The following SRGAP1 variants were observed in gnomAD, a reference collection of about 807,000 sequenced individuals.
The protein encoded by SRGAP1 is SLIT-ROBO Rho GTPase activating protein 1.
SRGAP1 carries 43 observed loss-of-function variants against 121.9 expected under a neutral mutation model. The observed-to-expected ratio is 0.35, with a 90% CI of 0.28 to 0.46. The LOEUF (loss-of-function observed/expected upper bound fraction) is 0.46, where lower values mean the gene tolerates loss of function less well. SRGAP1 is among the 20% of genes least tolerant of loss of function. The pLI is 1.00. For missense variants in SRGAP1, 1,102 were observed against 1,350.9 expected (o/e 0.82, Z 2.89); for synonymous variants, 447 against 485.4 (o/e 0.92, Z 1.04).
At chr12:64,019,158 A>C (rs1488781348) in intron 4 of SRGAP1, among the ~76,000 whole-genome samples, 2 of 152,224 alleles carry the variant, frequency 1.3e-5, no homozygotes, top group African/African-American at 4.8e-5. Flanking sequence ...CACTGAATAC[A>C]AGAAAAGTCA....
intron 3 of SRGAP1, among the ~76,000 whole-genome samples, chr12:64,011,093 G>A (rs535824894): frequency 2.0e-5 from 3 of 152,056 alleles, no homozygotes; most frequent in African/African-American, 4.8e-5. Context: ...ATGGGAAAGC[G>A]GGGCCTGAGA....
At chr12:64,125,933 C>A (rs1592345352) in intron 18 of SRGAP1, 44 bp from the exon 19 acceptor site, 3 of 1,593,446 alleles carry the variant, frequency 1.9e-6, no homozygotes, top group Admixed American at 1.7e-5. Flanking sequence ...CCATGCCTTC[C>A]TAACAACCCT....
intron 21 of SRGAP1, among the ~76,000 whole-genome samples, chr12:64,130,587 T>A (rs2036770026): frequency 6.6e-6 from 1 of 152,176 alleles, no homozygotes; most frequent in South Asian, 2.1e-4. Context: ...TATTGTCACC[T>A]AGTTGGTGTT....
At chr12:63,992,487 C>CTTTGT (rs2033580326) in intron 3 of SRGAP1, among the ~76,000 whole-genome samples, 1 of 152,050 alleles carries the variant, frequency 6.6e-6, no homozygotes, top group African/African-American at 2.4e-5. Flanking sequence ...GAGACTTGGC[C>CTTTGT]TTTGTTTTGG....
intron 15 of SRGAP1, among the ~76,000 whole-genome samples, chr12:64,101,308 GGT>G (rs59020353): frequency 0.016 from 2,270 of 137,946 alleles, 26 homozygotes; most frequent in South Asian, 0.047. Flanking sequence ...TGGGGAAAGG[GGT>G]GTGTGTGTGT....
At chr12:63,970,392 A>G (rs1478464427) in intron 1 of SRGAP1, among the ~76,000 whole-genome samples, 1 of 152,196 alleles carries the variant, frequency 6.6e-6, no homozygotes, top group African/African-American at 2.4e-5. Context: ...GGCAGAGGCA[A>G]TATTGCTAAT....
chr12:64,084,491 G>T (rs2035904285), intron 10 of SRGAP1, among the ~76,000 whole-genome samples: 1 of 152,110 alleles, frequency 6.6e-6, no homozygotes, highest in South Asian at 2.1e-4. Flanking sequence ...ATCTATTAAT[G>T]ATGATACTGA....
At position 64,150,955 on chromosome 12, in the gene SRGAP1, A is replaced by AAAAAAAAAAAAAAC. The variant is rs2037114366; in HGVS notation, c.*8288_*8289insAAAAAAAACAAAAA. 6.7e-6 allele frequency: 1 copy of AAAAAAAAAAAAAAC among 148,712 alleles called. No individual in the cohort carries two copies. The allele number at this position is 148,712 out of a possible 1,614,324, so 9.2% of individuals were successfully genotyped here. A position where few individuals can be genotyped will look rare whatever the true frequency, so the allele number is the denominator to read the frequency against. ...ATCTCAAAAAAAAAAAAAAAAAAAA[A>AAAAAAAAAAAAAAC]AAAAACATGGTCAAGATTTGTAATA... is the stretch of plus-strand genomic sequence containing the variant. On this transcript the variant is annotated 3_prime_UTR_variant, in exon 22 of 22. Coordinates refer to ENST00000355086, the MANE Select transcript of SRGAP1 (RefSeq NM_020762.4).
At chr12:63,938,896 T>C (rs561955021) in intron 1 of SRGAP1, among the ~76,000 whole-genome samples, 128 of 152,052 alleles carry the variant, frequency 8.4e-4, no homozygotes, top group African/African-American at 2.9e-3. Context: ...GACTCATACC[T>C]GTAATCACAG....
chr12:63,870,698 C>A lies in SRGAP1; in HGVS notation c.67+25815C>A, dbSNP rs150882373. ...GGGACTGCAGGCGTGTGCCACCATGCCCAACTAATTTTTGTATTTTTAGTA... is the reference window on the plus strand; with the variant it reads ...GGGACTGCAGGCGTGTGCCACCATGACCAACTAATTTTTGTATTTTTAGTA... On this transcript the variant is annotated intron_variant, in intron 1 of 21. Coordinates refer to ENST00000355086, the MANE Select transcript of SRGAP1 (RefSeq NM_020762.4). 1.8e-3 allele frequency among the ~76,000 whole-genome samples: 278 copies of A among 152,142 alleles called. 1 individual carries two copies. Among genetic ancestry groups the A allele is most frequent in the African/African-American group, 6.3e-3 (260 of 41,522 alleles).
intron 6 of SRGAP1, among the ~76,000 whole-genome samples, chr12:64,048,704 G>T (rs1196265079): frequency 6.6e-6 from 1 of 152,136 alleles, no homozygotes; most frequent in Non-Finnish European, 1.5e-5. Context: ...TTTAACTGGG[G>T]TGAGATGATA....
At chr12:63,998,510 A>C (rs2136430794) in intron 3 of SRGAP1, among the ~76,000 whole-genome samples, 1 of 152,294 alleles carries the variant, frequency 6.6e-6, no homozygotes, top group African/African-American at 2.4e-5. Context: ...GGACCATGGC[A>C]TTAAAAAGCA....
intron 1 of SRGAP1, among the ~76,000 whole-genome samples, chr12:63,901,451 C>T (rs1385966765): frequency 6.6e-6 from 1 of 152,186 alleles, no homozygotes; most frequent in African/African-American, 2.4e-5. Context: ...GTTCCTCCTT[C>T]CCCTGTAATC....
chr12:64,097,124 A>T (rs2036170239), intron 14 of SRGAP1, 117 bp from the exon 15 acceptor site: 4 of 1,058,718 alleles, frequency 3.8e-6, no homozygotes, highest in Non-Finnish European at 3.8e-6. Flanking sequence ...ATAATCTTTC[A>T]TAAAGCATAA....
chr12:64,011,646 A>G (rs1269981377), intron 3 of SRGAP1, among the ~76,000 whole-genome samples: 4 of 152,198 alleles, frequency 2.6e-5, no homozygotes. Flanking sequence ...AAATAGTGGA[A>G]ACATTGGAAA....
chr12:64,028,761 G>A (rs552604324), intron 4 of SRGAP1, among the ~76,000 whole-genome samples: 1 of 152,158 alleles, frequency 6.6e-6, no homozygotes, highest in Non-Finnish European at 1.5e-5. Context: ...TGATCACCCT[G>A]GTTATGTCCC....
At chr12:63,871,393 C>G (rs1210399814) in intron 1 of SRGAP1, among the ~76,000 whole-genome samples, 2 of 152,162 alleles carry the variant, frequency 1.3e-5, no homozygotes, top group African/African-American at 4.8e-5. Context: ...GCCTGATGAG[C>G]CCTTGAGGAT....
At chr12:63,902,144 A>G (rs10878093) in intron 1 of SRGAP1, among the ~76,000 whole-genome samples, 41,862 of 152,092 alleles carry the variant, frequency 0.28, 6,390 homozygotes, top group East Asian at 0.59. Context: ...GTGAAACCCC[A>G]TCGCTATTAA....
intron 1 of SRGAP1, among the ~76,000 whole-genome samples, chr12:63,867,772 T>A (rs886952531): frequency 6.6e-6 from 1 of 151,740 alleles, no homozygotes; most frequent in East Asian, 1.9e-4. Context: ...TAAAAAAAAA[T>A]AATTTAAAAC....
Sources: gnomAD v4.1 joint callset for allele counts (sites outside exome capture counted in the v4.1 genomes callset) on GRCh38, gnomAD v4.1.1 for gene constraint, MANE v1.5 for transcripts, NCBI Gene and HGNC (gene_info 2026-07-23, HGNC 2026-07-21) for gene names.